FOCAD: variants seen among roughly 807,000 people sequenced by gnomAD.
FOCAD encodes KIAA1797.
A neutral mutation model predicts 225.6 loss-of-function variants in FOCAD; 198 were observed. The observed-to-expected ratio is 0.88, with a 90% CI of 0.78 to 0.99. The LOEUF is 0.99. Ranked by LOEUF, FOCAD falls within the 50% of genes least tolerant of loss-of-function variation. FOCAD has a pLI of 0.00. For synonymous variants in FOCAD, 897 were observed against 755.0 expected (o/e 1.19, Z -3.08); for missense variants, 2,713 against 2,123.6 (o/e 1.28, Z -5.46).
chr9:20,756,128 T>G (rs1829023546), intron 5 of FOCAD, among the ~76,000 whole-genome samples: 1 of 152,184 alleles, frequency 6.6e-6, no homozygotes, highest in South Asian at 2.1e-4. Flanking sequence ...GGGTTTGGAA[T>G]TGGGAAACAT....
intron 3 of FOCAD, among the ~76,000 whole-genome samples, chr9:20,719,657 T>G (rs1825617232): frequency 6.6e-6 from 1 of 151,980 alleles, no homozygotes; most frequent in Non-Finnish European, 1.5e-5. Flanking sequence ...TAGGGTATTC[T>G]AAAATGAAAA....
intron 4 of FOCAD, among the ~76,000 whole-genome samples, chr9:20,736,086 C>T (rs542413027): frequency 6.6e-6 from 1 of 152,222 alleles, no homozygotes; most frequent in South Asian, 2.1e-4. Context: ...AAGCCTTTCT[C>T]TTATAACTCC....
At chr9:20,706,780 G>C (rs949248687) in intron 1 of FOCAD, among the ~76,000 whole-genome samples, 2 of 152,230 alleles carry the variant, frequency 1.3e-5, no homozygotes, top group Non-Finnish European at 2.9e-5. Flanking sequence ...GGTTCAAACA[G>C]TGTAGAAGTT....
At chr9:20,705,678 A>C (rs1430753559) in intron 1 of FOCAD, among the ~76,000 whole-genome samples, 1 of 151,908 alleles carries the variant, frequency 6.6e-6, no homozygotes, top group Non-Finnish European at 1.5e-5. Flanking sequence ...TGGGCAATAT[A>C]TGTAATTGTT....
chr9:20,923,730 G>T lies in FOCAD; in HGVS notation c.2923G>T (p.Glu975Ter), dbSNP rs1319597570. 1.2e-6 allele frequency: 2 copies of T among 1,613,868 alleles called. No individual in the cohort carries two copies. Among genetic ancestry groups the T allele is most frequent in the African/African-American group, 2.7e-5 (2 of 74,918 alleles). The change falls in exon 25 of 44, where the codon GAA becomes TAA. Residue 975 changes from glutamate (E) to a stop codon, truncating the protein, a stop_gained. Coordinates refer to ENST00000338382, the MANE Select transcript of FOCAD (RefSeq NM_001375567.1). LOFTEE classifies it high-confidence loss of function. The part of the protein sequence containing the change: ...SSLAVVVSRH[E>*]ASLSSDSDGL... ...CCTTGCTGTCGTCGTATCTAGACAT[G>T]AAGCCAGCCTCTCCTCAGACTCTGA... is the stretch of plus-strand genomic sequence containing the variant.
intron 42 of FOCAD, among the ~76,000 whole-genome samples, chr9:20,991,079 A>G (rs1291218850): frequency 6.6e-6 from 1 of 152,154 alleles, no homozygotes; most frequent in Non-Finnish European, 1.5e-5. Flanking sequence ...GGAAGATGAC[A>G]TTGCGTCATG....
At chr9:20,714,347 A>G (rs1318437480) in intron 1 of FOCAD, among the ~76,000 whole-genome samples, 1 of 152,108 alleles carries the variant, frequency 6.6e-6, no homozygotes, top group Non-Finnish European at 1.5e-5. Flanking sequence ...GTTCATTACA[A>G]TATGCTTTGT....
At chr9:20,763,619 A>T (rs1174068821) in intron 6 of FOCAD, among the ~76,000 whole-genome samples, 5 of 152,204 alleles carry the variant, frequency 3.3e-5, no homozygotes, top group Admixed American at 1.3e-4. Flanking sequence ...AAGGAATAGG[A>T]CGGGTAGAAG....
intron 35 of FOCAD, among the ~76,000 whole-genome samples, chr9:20,966,570 A>G (rs954376698): frequency 1.4e-4 from 22 of 152,222 alleles, no homozygotes; most frequent in Middle Eastern, 3.4e-3. Context: ...TTTTAATGCC[A>G]TATCTGTGAA....
intron 8 of FOCAD, among the ~76,000 whole-genome samples, chr9:20,777,304 G>GTTTTTTTTTTTTTTTTTTTTT (rs35710134): frequency 2.7e-5 from 3 of 110,870 alleles, no homozygotes; most frequent in Admixed American, 9.6e-5. Flanking sequence ...TTTCCTGTGG[G>GTTTTTTTTTTTTTTTTTTTTT]TTTTTTTTTT....
At chr9:20,897,865 T>C (rs187212829) in intron 21 of FOCAD, among the ~76,000 whole-genome samples, 378 of 151,974 alleles carry the variant, frequency 2.5e-3, no homozygotes, top group African/African-American at 8.7e-3. Context: ...TCTGAGCTTC[T>C]GATCTCTATA....
intron 21 of FOCAD, among the ~76,000 whole-genome samples, chr9:20,893,366 A>G (rs912175356): frequency 6.6e-6 from 1 of 152,142 alleles, no homozygotes; most frequent in Non-Finnish European, 1.5e-5. Context: ...TCTGGGACCA[A>G]ACCTGTCTGA....
chr9:20,915,067 G>C (rs2132074376), intron 23 of FOCAD, among the ~76,000 whole-genome samples: 1 of 152,304 alleles, frequency 6.6e-6, no homozygotes, highest in Non-Finnish European at 1.5e-5. Context: ...GAAGACTAGA[G>C]AAAAGCAGGT....
chr9:20,776,845 C>G (rs541090249), intron 8 of FOCAD, among the ~76,000 whole-genome samples: 1 of 151,748 alleles, frequency 6.6e-6, no homozygotes, highest in East Asian at 1.9e-4. Context: ...TGTTGGTTTT[C>G]CTTTTGTTTT....
chr9:20,990,011 T>C, intron 41 of FOCAD, 112 bp from the exon 42 acceptor site: 3 of 1,265,290 alleles, frequency 2.4e-6, no homozygotes, highest in Non-Finnish European at 3.4e-6. Flanking sequence ...GAGGGACTGG[T>C]TGGGTGAAGG....
intron 1 of FOCAD, among the ~76,000 whole-genome samples, chr9:20,711,468 G>T (rs899968953): frequency 6.6e-6 from 1 of 152,210 alleles, no homozygotes; most frequent in Non-Finnish European, 1.5e-5. Flanking sequence ...TTTCAGTACA[G>T]CTAATCTGAC....
intron 35 of FOCAD, among the ~76,000 whole-genome samples, chr9:20,970,341 T>A (rs1473433315): frequency 1.3e-5 from 2 of 152,134 alleles, no homozygotes; most frequent in Non-Finnish European, 2.9e-5. Context: ...CCTACGTTGG[T>A]ATGCTTGATG....
In FOCAD at chr9:20,948,301, A is replaced by G. The variant is rs1170689611; in HGVS notation, c.3706A>G (p.Ile1236Val). ...TSGFALALGNIVHGLSVCGHG... is the reference protein window; with the variant it reads ...TSGFALALGNVVHGLSVCGHG... Reference sequence around the variant, plus strand: ...AGGTTTTGCCCTGGCTTTAGGAAACATAGTTCATGGATTGTCTGTGTGTGG... The same window carrying G: ...AGGTTTTGCCCTGGCTTTAGGAAACGTAGTTCATGGATTGTCTGTGTGTGG... Residue 1236 changes from isoleucine to valine, a missense_variant, in exon 31 of 44, where the codon ATA (isoleucine) becomes GTA (valine). Ile to Val is a conservative substitution (Grantham distance 29). Transcript: ENST00000338382. 4 of 1,611,380 alleles carry G rather than the reference A, an allele frequency of 2.5e-6. No individual in the cohort carries two copies. The highest frequency in any genetic ancestry group is 2.2e-5 in the East Asian group (1 of 44,756).
At chr9:20,706,209 A>G (rs993414079) in intron 1 of FOCAD, among the ~76,000 whole-genome samples, 1 of 152,064 alleles carries the variant, frequency 6.6e-6, no homozygotes, top group African/African-American at 2.4e-5. Flanking sequence ...TCTTGGGATT[A>G]CAGGTATGAG....
Sources: allele counts gnomAD v4.1 joint callset (sites outside exome capture counted in the v4.1 genomes callset), GRCh38; gene constraint gnomAD v4.1.1; transcripts MANE v1.5; gene names NCBI Gene and HGNC (gene_info 2026-07-23, HGNC 2026-07-21).